LRRC4C: variants seen among roughly 807,000 people sequenced by gnomAD.
LRRC4C encodes leucine rich repeat containing 4C.
In LRRC4C, 5 loss-of-function variants were observed where a neutral mutation model predicts 33.6. The observed-to-expected ratio is 0.15, with a 90% CI of 0.08 to 0.31. LRRC4C has a LOEUF of 0.31. Ranked by LOEUF, LRRC4C falls within the 10% of genes least tolerant of loss-of-function variation. The pLI is 1.00. For missense variants in LRRC4C, 560 were observed against 796.7 expected (o/e 0.70, Z 3.58); for synonymous variants, 329 against 302.0 (o/e 1.09, Z -0.93).
intron 1 of LRRC4C, among the ~76,000 whole-genome samples, chr11:41,227,771 G>GA (rs1166444629): frequency 3.3e-5 from 5 of 152,080 alleles, no homozygotes; most frequent in African/African-American, 1.2e-4. Context: ...TCCTCAGAGT[G>GA]AAAGCCATTA....
chr11:40,701,259 GTAT>G (rs1408254317), intron 2 of LRRC4C, among the ~76,000 whole-genome samples: 2 of 152,014 alleles, frequency 1.3e-5, no homozygotes, highest in Admixed American at 1.3e-4. Flanking sequence ...CCGAACCACA[GTAT>G]TATATTAAAG....
chr11:40,630,592 T>A (rs1397327589), intron 3 of LRRC4C, among the ~76,000 whole-genome samples: 1 of 152,146 alleles, frequency 6.6e-6, no homozygotes, highest in Admixed American at 6.6e-5. Flanking sequence ...TCAGAAAGGT[T>A]AAATAAATTA....
intron 1 of LRRC4C, chr11:41,223,107 T>A (rs911090902): frequency 6.6e-6 from 1 of 152,156 alleles, no homozygotes; most frequent in Non-Finnish European, 1.5e-5. Flanking sequence ...AATTTATTAT[T>A]TAATTCAAGG....
At chr11:40,731,712 T>C (rs1379132422) in intron 2 of LRRC4C, among the ~76,000 whole-genome samples, 2 of 152,212 alleles carry the variant, frequency 1.3e-5, no homozygotes, top group East Asian at 3.9e-4. Context: ...TATAATGTGC[T>C]ATGAACAGAA....
At chr11:40,898,288 A>G (rs1244297064) in intron 2 of LRRC4C, among the ~76,000 whole-genome samples, 4 of 129,276 alleles carry the variant, frequency 3.1e-5, no homozygotes, top group Non-Finnish European at 6.3e-5. Context: ...CGGGAGGCGG[A>G]GGTTGTGGTG....
chr11:40,701,052 A>T (rs1591501144), intron 2 of LRRC4C, among the ~76,000 whole-genome samples: 1 of 152,166 alleles, frequency 6.6e-6, no homozygotes, highest in African/African-American at 2.4e-5. Context: ...TGATCAAGAA[A>T]ATATACATCA....
At chr11:40,287,661 T>A (rs994844129) in intron 4 of LRRC4C, among the ~76,000 whole-genome samples, 5 of 152,228 alleles carry the variant, frequency 3.3e-5, no homozygotes, top group African/African-American at 1.2e-4. Context: ...CTTGACCTTC[T>A]TAGGGAATCT....
chr11:40,734,977 A>G (rs1272059235), intron 2 of LRRC4C, among the ~76,000 whole-genome samples: 1 of 151,894 alleles, frequency 6.6e-6, no homozygotes, highest in East Asian at 2.0e-4. Context: ...GAGAGAAAAA[A>G]ATAATCTCTC....
At chr11:40,448,684 A>G (rs934198855) in intron 3 of LRRC4C, among the ~76,000 whole-genome samples, 1 of 152,170 alleles carries the variant, frequency 6.6e-6, no homozygotes, top group Non-Finnish European at 1.5e-5. Flanking sequence ...GGTTTTTGCT[A>G]TTGTGAATAC....
chr11:41,170,064 G>A (rs1171087928), intron 1 of LRRC4C, among the ~76,000 whole-genome samples: 1 of 151,992 alleles, frequency 6.6e-6, no homozygotes, highest in Non-Finnish European at 1.5e-5. Context: ...GTGATCTCAA[G>A]CACTCTCATA....
At chr11:40,316,978 A>G (rs2123266) in intron 4 of LRRC4C, among the ~76,000 whole-genome samples, 145,413 of 151,880 alleles carry the variant, frequency 0.96, 69,991 homozygotes, top group Middle Eastern at 1. Context: ...AATGGGAAAA[A>G]GGGAGAAAAC....
At chr11:41,435,277 T>C (rs1381372618) in intron 1 of LRRC4C, among the ~76,000 whole-genome samples, 1 of 152,184 alleles carries the variant, frequency 6.6e-6, no homozygotes, top group Non-Finnish European at 1.5e-5. Context: ...TATTAGAATG[T>C]GATTCCAGTA....
At chr11:40,643,373 G>A (rs773423597) in intron 3 of LRRC4C, among the ~76,000 whole-genome samples, 3 of 152,032 alleles carry the variant, frequency 2.0e-5, no homozygotes, top group Non-Finnish European at 4.4e-5. Context: ...ACCTTCACCC[G>A]GCTATGACAA....
chr11:41,321,907 T>A (rs1484128042), intron 1 of LRRC4C, among the ~76,000 whole-genome samples: 2 of 152,058 alleles, frequency 1.3e-5, no homozygotes, highest in South Asian at 2.1e-4. Context: ...TCTTGTCGCC[T>A]GGGCTGGAGT....
At chr11:40,223,504 G>A (rs1864565433) in intron 5 of LRRC4C, among the ~76,000 whole-genome samples, 1 of 152,188 alleles carries the variant, frequency 6.6e-6, no homozygotes, top group Admixed American at 6.5e-5. Flanking sequence ...AGACACTGCA[G>A]AACCTGAAAC....
At chr11:41,316,269 AAAAAAAAAAAC>A (rs1414535386) in intron 1 of LRRC4C, among the ~76,000 whole-genome samples, 1 of 150,126 alleles carries the variant, frequency 6.7e-6, no homozygotes, top group East Asian at 2.0e-4. Context: ...TGGCAAAAAA[AAAAAAAAAAAC>A]AAAAAAAAAC....
chr11:41,034,958 T>G (rs1233874025), intron 1 of LRRC4C, among the ~76,000 whole-genome samples: 2 of 150,608 alleles, frequency 1.3e-5, no homozygotes, highest in Non-Finnish European at 3.0e-5. Context: ...TTTACTTTAT[T>G]TTATTTTTTG....
chr11:40,313,822 A>G (rs1362404096), intron 4 of LRRC4C, among the ~76,000 whole-genome samples: 1 of 151,586 alleles, frequency 6.6e-6, no homozygotes, highest in Non-Finnish European at 1.5e-5. Context: ...CATCCTGGCT[A>G]CAGGATGGTC....
rs1591290672 is a variant in LRRC4C, at chr11:40,618,371, G to A, written c.-270+29771C>T. Among the ~76,000 whole-genome samples the A allele has an allele frequency of 2.6e-5, 4 of 151,552 alleles. 1 individual carries two copies. In the South Asian group the frequency reaches 8.3e-4, roughly 31 times the overall value. ...AACCACCAGAAGAAACTAGGAGAAA[G>A]GCATGGGACATATTTTCTCTCAGAG... On this transcript the variant is annotated intron_variant, in intron 3 of 6. Coordinates refer to ENST00000528697, the MANE Select transcript of LRRC4C (RefSeq NM_001258419.2).
Sources: gnomAD v4.1 joint callset for allele counts (sites outside exome capture counted in the v4.1 genomes callset) on GRCh38, gnomAD v4.1.1 for gene constraint, MANE v1.5 for transcripts, NCBI Gene and HGNC (gene_info 2026-07-23, HGNC 2026-07-21) for gene names.